The following LONRF1 variants were observed in gnomAD, a reference collection of about 807,000 sequenced individuals.
LONRF1 encodes the protein LON peptidase N-terminal domain and ring finger 1, also known as LON peptidase N-terminal domain and RING finger protein 1.
A neutral mutation model predicts 85.8 loss-of-function variants in LONRF1; 37 were observed. The observed-to-expected ratio is 0.43, with a 90% confidence interval of 0.33 to 0.57. The LOEUF is 0.57. Ranked by LOEUF, LONRF1 falls within the 20% of genes least tolerant of loss-of-function variation. The probability of loss-of-function intolerance (pLI) is 0.04; values close to 1 mark genes in which losing one functional copy is unlikely to be tolerated. For synonymous variants in LONRF1, 517 were observed against 390.1 expected, an observed-to-expected ratio of 1.33 and a Z score of -3.83; for missense variants, 1,036 against 978.0, an observed-to-expected ratio of 1.06 and a Z score of -0.79.
intron 10 of LONRF1, among the ~76,000 whole-genome samples, chr8:12,727,455 G>C (rs1798360828): frequency 9.6e-6 from 1 of 103,738 alleles, no homozygotes; most frequent in South Asian, 4.2e-4. Flanking sequence ...GAATGGACAA[G>C]AAAATCATTA....
rs186901566 is a variant in LONRF1, at chr8:12,723,826, C to T, written c.2164-572G>A. ...AATTTCCTCAAAGTATTATGGAACC[C>T]TTGGAAAGACAGAAGAAAAAGGCCC... On this transcript the variant is annotated intron_variant, in intron 11 of 11. Coordinates refer to ENST00000398246, the MANE Select transcript of LONRF1 (RefSeq NM_152271.5). Among the ~76,000 whole-genome samples, 431 of 152,252 alleles carry T rather than the reference C, an allele frequency of 2.8e-3. 1 individual carries two copies. Among genetic ancestry groups the T allele is most frequent in the Non-Finnish European group, 4.5e-3 (309 of 68,006 alleles).
intron 7 of LONRF1, among the ~76,000 whole-genome samples, chr8:12,732,830 A>G (rs1412071416): frequency 6.6e-6 from 1 of 152,226 alleles, no homozygotes; most frequent in East Asian, 1.9e-4. Flanking sequence ...AGAACTTTGT[A>G]CAAAGAAAAT....
chr8:12,746,555 C>A (rs28576666), intron 1 of LONRF1, among the ~76,000 whole-genome samples: 8,160 of 152,304 alleles, frequency 0.054, 590 homozygotes, highest in African/African-American at 0.17. Context: ...TCTGGCTCTT[C>A]CACCCACTCA....
intron 8 of LONRF1, among the ~76,000 whole-genome samples, chr8:12,730,926 A>C (rs966557251): frequency 6.6e-6 from 1 of 152,224 alleles, no homozygotes; most frequent in Admixed American, 6.5e-5. Flanking sequence ...AAAGTTGTTA[A>C]ATAAAACAGC....
Position 12,755,496 on chromosome 8 carries a change from GC to G in LONRF1, c.-77del. The stretch of plus-strand genomic sequence containing the variant: ...TCCCGGGCGCGCGGCTCCGCACGCG[GC>G]CCGCGAGCAGGGGGGCGTGGCGCGC... On this transcript the variant is annotated 5_prime_UTR_variant, in exon 1 of 12. Transcript: ENST00000398246. 2.5e-6 allele frequency: 2 copies of G among 793,554 alleles called. No individual in the cohort carries two copies. The highest frequency in any genetic ancestry group is 1.1e-4 in the South Asian group (2 of 17,722). 49.2% of individuals were successfully genotyped at this position (793,554 alleles called of 1,614,324 possible). A position where few individuals can be genotyped will look rare whatever the true frequency, so the allele number is the denominator to read the frequency against.
chr8:12,726,014 T>C (rs774982973), intron 10 of LONRF1, 135 bp from the exon 11 acceptor site: 82 of 735,020 alleles, frequency 1.1e-4, no homozygotes, highest in Non-Finnish European at 1.5e-4. Flanking sequence ...CCAGAGAGTA[T>C]TATTCCTATG....
At position 12,755,268 on chromosome 8, in the gene LONRF1, C is replaced by G. The variant is rs1244387483; in HGVS notation, c.153G>C (p.Leu51=). The change falls in exon 1 of 12, where the codon CTG becomes CTC. Residue 51 remains leucine (L), a synonymous_variant. Coordinates refer to ENST00000398246, the MANE Select transcript of LONRF1 (RefSeq NM_152271.5). The stretch of plus-strand genomic sequence containing the variant: ...GCGCCAGCAGCTCCCCGCGGCGGAG[C>G]AGCAGCTCCCAGCGCTCCGACTCCG... ...AAAESERWEL[L]LRRGELLALG... 13 of 1,236,816 alleles carry G rather than the reference C, an allele frequency of 1.1e-5. No homozygotes were observed. The highest frequency in any genetic ancestry group is 1.3e-5 in the Non-Finnish European group (13 of 991,738). The allele number at this position is 1,236,816 out of a possible 1,614,324, so 76.6% of individuals were successfully genotyped here.
At chr8:12,725,608 G>T in intron 11 of LONRF1, 119 bp downstream of exon 11, 2 of 933,454 alleles carry the variant, frequency 2.1e-6, no homozygotes, top group Admixed American at 2.3e-5. Context: ...GCTGGTGCGG[G>T]GGAGGGGACA....
At chr8:12,723,312 A>G (rs1242849978) in intron 11 of LONRF1, 58 bp from the exon 12 acceptor site, 15 of 1,498,934 alleles carry the variant, frequency 1.0e-5, no homozygotes, top group African/African-American at 2.8e-5. Context: ...TAACAACAGT[A>G]GCAAACCACC....
chr8:12,730,486 A>G (rs376287763), intron 8 of LONRF1, among the ~76,000 whole-genome samples: 13 of 152,334 alleles, frequency 8.5e-5, no homozygotes, highest in African/African-American at 3.1e-4. Flanking sequence ...GTGTTTTAAG[A>G]AACAGCCCCA....
chr8:12,727,881 CAG>C (rs1186914688), intron 10 of LONRF1, among the ~76,000 whole-genome samples: 2 of 152,174 alleles, frequency 1.3e-5, no homozygotes, highest in African/African-American at 4.8e-5. Context: ...GGTTTATCAA[CAG>C]AGAGCCAAAT....
chr8:12,749,807 G>A (rs1267887119), intron 1 of LONRF1, among the ~76,000 whole-genome samples: 1 of 152,118 alleles, frequency 6.6e-6, no homozygotes, highest in Non-Finnish European at 1.5e-5. Context: ...TCTCGGTTAA[G>A]TAGAAGCCAA....
chr8:12,731,219 C>T (rs1041954200), intron 8 of LONRF1, among the ~76,000 whole-genome samples: 2 of 152,112 alleles, frequency 1.3e-5, no homozygotes, highest in African/African-American at 2.4e-5. Flanking sequence ...TTCACCCTCC[C>T]GACACCAACT....
rs2117273018 is a variant in LONRF1 at position 12,736,766 on chromosome 8, T to C, written c.1386A>G (p.Leu462=). Residue 462 remains leucine (L), a synonymous_variant, in exon 6 of 12, where the codon TTA becomes TTG. Transcript: ENST00000398246. ...ETPNEVCMFS[L]AYGDIPEELI... ...ATTCTTCTGGAATATCACCATAAGC[T>C]AAGGAAAACATACAGACTTCATTGG... 2 of 1,611,328 alleles carry C rather than the reference T, an allele frequency of 1.2e-6. No homozygotes were observed. The highest frequency in any genetic ancestry group is 2.2e-5 in the East Asian group (1 of 44,768).
chr8:12,731,738 T>TG lies in LONRF1; in HGVS notation c.1685dup (p.His563ThrfsTer26). 6.2e-7 allele frequency: 1 copy of TG among 1,610,140 alleles called. No individual in the cohort carries two copies. The highest frequency in any genetic ancestry group is 8.5e-7 in the Non-Finnish European group (1 of 1,178,356). On this transcript the variant is annotated frameshift_variant, in exon 8 of 12. Transcript: ENST00000398246. LOFTEE classifies it high-confidence loss of function. ...TTTTTTTATGAGAAGAAACTTACTG[T>TG]GAGAGTTCAGCAGTTTCTTCATCAT...
intron 1 of LONRF1, 57 bp downstream of exon 1, chr8:12,754,643 C>G (rs916608910): frequency 5.4e-5 from 68 of 1,259,086 alleles, no homozygotes; most frequent in Non-Finnish European, 6.6e-5. Flanking sequence ...GGGTCCCCGG[C>G]CCTCGGGGCC....
At chr8:12,734,452 C>T (rs1481842284) in intron 7 of LONRF1, among the ~76,000 whole-genome samples, 2 of 152,106 alleles carry the variant, frequency 1.3e-5, no homozygotes, top group African/African-American at 2.4e-5. Flanking sequence ...GAGACAGAAT[C>T]ACTTTCCCCA....
intron 1 of LONRF1, 71 bp from the exon 2 acceptor site, chr8:12,743,353 T>C (rs1799016058): frequency 1.0e-6 from 1 of 963,010 alleles, no homozygotes; most frequent in Non-Finnish European, 1.6e-6. Flanking sequence ...AATATGATCA[T>C]ACCAGATTAA....
intron 1 of LONRF1, among the ~76,000 whole-genome samples, chr8:12,744,772 C>A (rs1345811649): frequency 1.3e-5 from 2 of 152,160 alleles, no homozygotes; most frequent in Non-Finnish European, 2.9e-5. Context: ...CAGTTTTCCA[C>A]CCACAGCTGG....
Sources: gnomAD v4.1 joint callset for allele counts (sites outside exome capture counted in the v4.1 genomes callset) on GRCh38, gnomAD v4.1.1 for gene constraint, MANE v1.5 for transcripts, NCBI Gene and HGNC (gene_info 2026-07-23, HGNC 2026-07-21) for gene names.